EIF3E: variants seen among roughly 807,000 people sequenced by gnomAD.
EIF3E encodes the protein eukaryotic translation initiation factor 3 subunit E.
EIF3E carries 25 observed loss-of-function variants against 59.3 expected under a neutral mutation model. The ratio of observed to expected loss-of-function variants is 0.42; its 90% confidence interval spans 0.31 to 0.59. EIF3E has a LOEUF of 0.59. Among genes scored for constraint, EIF3E ranks in the 20% least tolerant of loss-of-function variants. The pLI, the probability that EIF3E is intolerant of heterozygous loss-of-function variation, is 0.15. For missense variants in EIF3E, 317 were observed against 534.3 expected, an observed-to-expected ratio of 0.59 and a Z score of 4.01; for synonymous variants, 176 against 170.2, an observed-to-expected ratio of 1.03 and a Z score of -0.26.
intron 7 of EIF3E, among the ~76,000 whole-genome samples, chr8:108,224,571 T>TCAGAA (rs1353471871): frequency 2.0e-5 from 3 of 151,322 alleles, no homozygotes; most frequent in African/African-American, 7.4e-5. Flanking sequence ...AGACAGAAAA[T>TCAGAA]AAGACAGCAA....
intron 7 of EIF3E, 181 bp downstream of exon 7, chr8:108,228,086 T>C: frequency 1.7e-6 from 1 of 576,620 alleles, no homozygotes. Context: ...GTACACTCTG[T>C]CAAATAGTTT....
intron 1 of EIF3E, among the ~76,000 whole-genome samples, chr8:108,247,415 G>A (rs897751941): frequency 2.0e-5 from 3 of 152,068 alleles, no homozygotes; most frequent in Non-Finnish European, 2.9e-5. Flanking sequence ...CTAAAATACA[G>A]GTGTAAAAAG....
intron 5 of EIF3E, among the ~76,000 whole-genome samples, chr8:108,232,191 A>G (rs750595214): frequency 6.6e-6 from 1 of 152,160 alleles, no homozygotes; most frequent in Non-Finnish European, 1.5e-5. Context: ...ATCAAAAGAA[A>G]AAGATATCTA....
intron 1 of EIF3E, among the ~76,000 whole-genome samples, chr8:108,248,097 G>C (rs1367795296): frequency 6.6e-6 from 1 of 151,416 alleles, no homozygotes; most frequent in African/African-American, 2.4e-5. Flanking sequence ...ACTTAACCAA[G>C]ACAAGAAAAC....
intron 7 of EIF3E, among the ~76,000 whole-genome samples, chr8:108,220,154 A>AC (rs34250397): frequency 0.36 from 54,974 of 151,824 alleles, 11,137 homozygotes; most frequent in East Asian, 0.5. Context: ...CCAAAAAAAA[A>AC]AAAAAGGAAA....
At chr8:108,219,185 C>T (rs911267030) in intron 7 of EIF3E, among the ~76,000 whole-genome samples, 3 of 152,154 alleles carry the variant, frequency 2.0e-5, no homozygotes, top group Non-Finnish European at 4.4e-5. Context: ...ATAGTGTGTT[C>T]AACTCATAGT....
rs1814994821 is a variant in EIF3E, at chr8:108,201,436, A to G, written c.*449T>C. The G allele has an allele frequency of 6.6e-6, 1 of 152,164 alleles. No homozygotes were observed. Among genetic ancestry groups the G allele is most frequent in the Admixed American group, 6.6e-5 (1 of 15,234 alleles). The allele number at this position is 152,164 out of a possible 1,614,324, so 9.4% of individuals were successfully genotyped here. A position where few individuals can be genotyped will look rare whatever the true frequency, so the allele number is the denominator to read the frequency against. The stretch of plus-strand genomic sequence containing the variant: ...GGGTTAGAGTTGGTTGGGAGTAGGT[A>G]TGGCTACAAAAAGGTAGCATGAGGG... On this transcript the variant is annotated 3_prime_UTR_variant, in exon 13 of 13. Transcript: ENST00000220849.
chr8:108,243,280 G>A (rs1265032936), intron 1 of EIF3E: 5 of 152,240 alleles, frequency 3.3e-5, no homozygotes, highest in African/African-American at 1.2e-4. Flanking sequence ...TGAATCATCA[G>A]ACTACAGCTT....
In EIF3E at chr8:108,214,574, T is replaced by C. The variant is rs756704478; in HGVS notation, c.1061+33A>G. On this transcript the variant is annotated intron_variant, in intron 10 of 12. Transcript: ENST00000220849. ...ATGGAAATTTCCAGGAATTTTAAAG[T>C]AGAAAATCCAAATCAAATCACGGTG... The C allele has an allele frequency of 2.6e-5, 38 of 1,460,682 alleles. No homozygotes were observed. In the Admixed American group the frequency reaches 5.2e-4, roughly 20 times the overall value. 90.5% of individuals were successfully genotyped at this position (1,460,682 alleles called of 1,614,324 possible). A position where few individuals can be genotyped will look rare whatever the true frequency, so the allele number is the denominator to read the frequency against.
intron 10 of EIF3E, among the ~76,000 whole-genome samples, chr8:108,207,431 T>C (rs577834518): frequency 8.5e-5 from 13 of 152,190 alleles, no homozygotes; most frequent in African/African-American, 3.1e-4. Flanking sequence ...TAGGGAGAAA[T>C]AAAACCAATT....
chr8:108,225,922 T>TCTCCGATAGCCTA (rs1815508106), intron 7 of EIF3E, among the ~76,000 whole-genome samples: 2 of 152,218 alleles, frequency 1.3e-5, no homozygotes, highest in African/African-American at 4.8e-5. Flanking sequence ...TTAAATTGAA[T>TCTCCGATAGCCTA]CAATTTACCA....
chr8:108,229,974 T>C (rs866763554), intron 5 of EIF3E, among the ~76,000 whole-genome samples: 2 of 152,102 alleles, frequency 1.3e-5, no homozygotes, highest in South Asian at 4.1e-4. Context: ...AAAACATCCA[T>C]AATGACCAGG....
chr8:108,210,856 C>T (rs1380344598), intron 10 of EIF3E, among the ~76,000 whole-genome samples: 4 of 151,200 alleles, frequency 2.6e-5, no homozygotes, highest in Non-Finnish European at 2.9e-5. Context: ...GTTTGGTTTT[C>T]TGTCCTTGTG....
At position 108,236,154 on chromosome 8, in the gene EIF3E, C is replaced by T; in HGVS notation, c.366+7G>A. ...TGACAACTTTAAAATATTTTTAAAA[C>T]ACTTACACCATGCTTGTCCGCCAGG... is the stretch of plus-strand genomic sequence containing the variant. On this transcript the variant is annotated splice_region_variant and intron_variant, in intron 4 of 12. Transcript: ENST00000220849. The T allele has an allele frequency of 6.2e-7, 1 of 1,609,052 alleles. No individual in the cohort carries two copies. Among genetic ancestry groups the T allele is most frequent in the South Asian group, 1.1e-5 (1 of 89,828 alleles).
intron 7 of EIF3E, among the ~76,000 whole-genome samples, chr8:108,221,165 GA>G (rs951639161): frequency 1.3e-5 from 2 of 151,588 alleles, no homozygotes; most frequent in Non-Finnish European, 2.9e-5. Context: ...ACACTTAACT[GA>G]AAAAAAAATT....
At chr8:108,241,978 A>T (rs977936162) in intron 1 of EIF3E, 65 bp from the exon 2 acceptor site, 1 of 1,240,984 alleles carries the variant, frequency 8.1e-7, no homozygotes, top group African/African-American at 1.5e-5. Flanking sequence ...ATTAATACTA[A>T]AACTAATTTA....
chr8:108,215,346 C>T (rs999150939), intron 9 of EIF3E, among the ~76,000 whole-genome samples: 2 of 151,962 alleles, frequency 1.3e-5, no homozygotes, highest in Non-Finnish European at 1.5e-5. Flanking sequence ...AGGCCAGGTG[C>T]GGTGGCTGAC....
chr8:108,225,551 A>G (rs1233583851), intron 7 of EIF3E, among the ~76,000 whole-genome samples: 3 of 151,542 alleles, frequency 2.0e-5, no homozygotes, highest in Non-Finnish European at 4.4e-5. Flanking sequence ...AGGATCCCAA[A>G]AAGTTTAACC....
At chr8:108,245,461 C>A (rs1815930279) in intron 1 of EIF3E, among the ~76,000 whole-genome samples, 1 of 152,072 alleles carries the variant, frequency 6.6e-6, no homozygotes, top group African/African-American at 2.4e-5. Flanking sequence ...AAAGCGAGAC[C>A]CTGTCTCAAA....
Sources: gnomAD v4.1 joint callset for allele counts (sites outside exome capture counted in the v4.1 genomes callset) on GRCh38, gnomAD v4.1.1 for gene constraint, MANE v1.5 for transcripts, NCBI Gene and HGNC (gene_info 2026-07-23, HGNC 2026-07-21) for gene names.